Variants in RPAP1 observed in about 807,000 individuals in gnomAD.
RPAP1 encodes RNA polymerase II-associated protein 1.
A neutral mutation model predicts 142.4 loss-of-function variants in RPAP1; 109 were observed. The ratio of observed to expected loss-of-function variants is 0.77; its 90% confidence interval spans 0.66 to 0.90. The LOEUF is 0.90. Ranked by LOEUF, RPAP1 falls within the 40% of genes least tolerant of loss-of-function variation. The pLI is 0.00. For synonymous variants in RPAP1, 704 were observed against 738.9 expected, an observed-to-expected ratio of 0.95 and a Z score of 0.77; for missense variants, 1,546 against 1,751.7, an observed-to-expected ratio of 0.88 and a Z score of 2.10.
At chr15:41,517,978 T>G in intron 23 of RPAP1, 28 bp downstream of exon 23, 2 of 1,613,978 alleles carry the variant, frequency 1.2e-6, no homozygotes, top group Non-Finnish European at 1.7e-6. Flanking sequence ...GCTCCCTTCC[T>G]TCCTCTGAAG....
chr15:41,534,787 C>T lies in RPAP1; in HGVS notation c.690G>A (p.Glu230=). The T allele has an allele frequency of 2.5e-6, 4 of 1,614,016 alleles. No homozygotes were observed. The highest frequency in any genetic ancestry group is 3.4e-6 in the Non-Finnish European group (4 of 1,179,986). ...CCATGGCCTGCAGTCTTGCTATGTT[C>T]TCTTCATGGATAGTCTGGGCTTCCT... ...AEQEAQTIHE[E]NIARLQAMAP... The change falls in exon 6 of 25, where the codon GAG becomes GAA. Residue 230 remains glutamate (E), a synonymous_variant. Transcript: ENST00000304330.
At chr15:41,536,240 T>C in intron 3 of RPAP1, 22 bp from the exon 4 acceptor site, 2 of 1,609,076 alleles carry the variant, frequency 1.2e-6, no homozygotes, top group Non-Finnish European at 8.5e-7. Context: ...AAGCACAAAG[T>C]TGTGAAGCAC....
intron 9 of RPAP1, 33 bp from the exon 10 acceptor site, chr15:41,528,369 G>A (rs371170066): frequency 6.7e-7 from 1 of 1,484,768 alleles, no homozygotes; most frequent in Non-Finnish European, 9.2e-7. Context: ...GAAGCAGCCA[G>A]GATACAGCAC....
chr15:41,521,058 GT>G lies in RPAP1; in HGVS notation c.3127del (p.Thr1043LeufsTer18). The part of the protein sequence containing the change: ...SSRVPRCGQG[T>X]LLAQACQDLP... ...GTCCTGGCAGGCCTGAGCCAGCAGA[GT>G]CCCTTGCCCACACCGAGGGACCCTG... On this transcript the variant is annotated frameshift_variant, in exon 22 of 25. Transcript: ENST00000304330. LOFTEE classifies it high-confidence loss of function. 1 of 1,579,166 alleles carries G rather than the reference GT, an allele frequency of 6.3e-7. No individual in the cohort carries two copies. The highest frequency in any genetic ancestry group is 1.3e-5 in the African/African-American group (1 of 74,386).
chr15:41,517,336 G>A lies in RPAP1; in HGVS notation c.*206C>T. The A allele has an allele frequency of 2.0e-6, 1 of 495,252 alleles. No individual in the cohort carries two copies. Among genetic ancestry groups the A allele is most frequent in the Non-Finnish European group, 3.5e-6 (1 of 283,268 alleles). 30.7% of individuals were successfully genotyped at this position (495,252 alleles called of 1,614,324 possible). ...TAAGCCACTCTTCACTCCCAGTACA[G>A]ACCTTCAGAAGCCCCAGATATCAGG... On this transcript the variant is annotated 3_prime_UTR_variant, in exon 25 of 25. Coordinates refer to ENST00000304330, the MANE Select transcript of RPAP1 (RefSeq NM_015540.4).
At chr15:41,542,697 G>C (rs2051981425) in intron 1 of RPAP1, among the ~76,000 whole-genome samples, 1 of 152,134 alleles carries the variant, frequency 6.6e-6, no homozygotes, top group African/African-American at 2.4e-5. Flanking sequence ...TACTGTGCTT[G>C]TTTCCTCATC....
Position 41,517,628 on chromosome 15 carries a change from G to A in RPAP1, c.4096C>T (p.Leu1366Phe). 3 of 1,612,628 alleles carry A rather than the reference G, an allele frequency of 1.9e-6. No individual in the cohort carries two copies. Among genetic ancestry groups the A allele is most frequent in the Non-Finnish European group, 2.5e-6 (3 of 1,179,182 alleles). The change falls in exon 25 of 25, where the codon CTC becomes TTC. Residue 1366 changes from leucine to phenylalanine, a missense_variant. By Grantham distance (22) the Leu-to-Phe change is conservative. Coordinates refer to ENST00000304330, the MANE Select transcript of RPAP1 (RefSeq NM_015540.4). ...PNSTLPEGFE[L>F]YSQLPPLRQH... is the part of the protein sequence containing the mutation. The stretch of plus-strand genomic sequence containing the variant: ...CGCAGAGGGGGCAACTGAGAATAGA[G>A]CTCAAAGCCCTCTGGGAGCGTGGAA...
chr15:41,541,536 T>C (rs892760077), intron 1 of RPAP1, among the ~76,000 whole-genome samples: 5 of 151,674 alleles, frequency 3.3e-5, no homozygotes, highest in African/African-American at 1.2e-4. Context: ...ACAAGCTAGA[T>C]AGCTGGAACT....
intron 6 of RPAP1, among the ~76,000 whole-genome samples, chr15:41,533,909 G>A (rs2051880581): frequency 6.6e-6 from 1 of 151,782 alleles, no homozygotes; most frequent in African/African-American, 2.4e-5. Context: ...ATCACCTGAG[G>A]TCAGGAGTTC....
chr15:41,520,738 C>T lies in RPAP1; in HGVS notation c.3448G>A (p.Val1150Met). The change falls in exon 22 of 25, where the codon GTG (valine) becomes ATG (methionine). Residue 1150 changes from valine (V) to methionine (M), a missense_variant. Physicochemically the swap from Val to Met is conservative, Grantham distance 21. This residue lies in a region of RPAP1 where 1,333 missense variants were observed against 1,486.6 expected (regional missense o/e 0.90). Coordinates refer to ENST00000304330, the MANE Select transcript of RPAP1 (RefSeq NM_015540.4). ...CGTGCCAGGCGGGCAGCAGGGGGCACAGCCCAGAGAGCCTGGGGGCGCCAG... is the reference window on the plus strand; with the variant it reads ...CGTGCCAGGCGGGCAGCAGGGGGCATAGCCCAGAGAGCCTGGGGGCGCCAG... ...ESWRPQALWA[V>M]PPAARLARLM... 1 of 1,613,916 alleles carries T rather than the reference C, an allele frequency of 6.2e-7. No homozygotes were observed. Among genetic ancestry groups the T allele is most frequent in the Non-Finnish European group, 8.5e-7 (1 of 1,180,004 alleles).
rs543357436 is a variant in RPAP1 at position 41,523,049 on chromosome 15, G to A, written c.2547-89C>T. 1.4e-5 allele frequency: 16 copies of A among 1,161,786 alleles called. No individual in the cohort carries two copies. The East Asian group carries it at 1.4e-4, about 10-fold the overall frequency. The allele number at this position is 1,161,786 out of a possible 1,614,324, so 72.0% of individuals were successfully genotyped here. A position where few individuals can be genotyped will look rare whatever the true frequency, so the allele number is the denominator to read the frequency against. ...TTCTGGGTCTGTACCTAAGACTAACGGGGGGCCTGGCTGTGGAGGTCAGTG... is the reference window on the plus strand; with the variant it reads ...TTCTGGGTCTGTACCTAAGACTAACAGGGGGCCTGGCTGTGGAGGTCAGTG... On this transcript the variant is annotated intron_variant, in intron 18 of 24. Coordinates refer to ENST00000304330, the MANE Select transcript of RPAP1 (RefSeq NM_015540.4).
chr15:41,523,755 G>A lies in RPAP1; in HGVS notation c.2436+16C>T, dbSNP rs753896301. On this transcript the variant is annotated intron_variant, in intron 17 of 24. Transcript: ENST00000304330. ...GGGTGCGGGGGCCTGGTGGACAGCC[G>A]GCAGGAGGCACTCACTTGCTGGCTC... 2.8e-5 allele frequency: 44 copies of A among 1,578,030 alleles called. No homozygotes were observed. Among genetic ancestry groups the A allele is most frequent in the Admixed American group, 1.8e-4 (10 of 54,992 alleles).
In RPAP1 at chr15:41,521,240, TC is replaced by T. The variant is rs2051723626; in HGVS notation, c.3039-94del. ...TTGGAACTTCCTGGAGGCTCCTAGG[TC>T]CAGACCTGTGCCTCTCTGCTCCCTT... is the stretch of plus-strand genomic sequence containing the variant. On this transcript the variant is annotated intron_variant, in intron 21 of 24. Transcript: ENST00000304330. 3.1e-6 allele frequency: 4 copies of T among 1,273,040 alleles called. No homozygotes were observed. The South Asian group carries it at 4.7e-5, about 15-fold the overall frequency. The allele number at this position is 1,273,040 out of a possible 1,614,324, so 78.9% of individuals were successfully genotyped here. A position where few individuals can be genotyped will look rare whatever the true frequency, so the allele number is the denominator to read the frequency against.
At chr15:41,525,937 A>G (rs2051786405) in intron 14 of RPAP1, among the ~76,000 whole-genome samples, 2 of 150,506 alleles carry the variant, frequency 1.3e-5, no homozygotes, top group Non-Finnish European at 2.9e-5. Context: ...TACAGGTGTG[A>G]GCCACCGCGC....
chr15:41,528,070 A>G (rs772184930), intron 10 of RPAP1, 43 bp from the exon 11 acceptor site: 6 of 1,605,152 alleles, frequency 3.7e-6, no homozygotes, highest in Middle Eastern at 3.3e-4. Context: ...TGCTGAAGTT[A>G]TCTAGAGGCT....
Position 41,520,768 on chromosome 15 carries a change from C to G in RPAP1, c.3418G>C (p.Glu1140Gln), listed in dbSNP as rs2051717255. Residue 1140 changes from glutamate (E) to glutamine (Q), a missense_variant, in exon 22 of 25, where the codon GAG (glutamate) becomes CAG (glutamine). Coordinates refer to ENST00000304330, the MANE Select transcript of RPAP1 (RefSeq NM_015540.4). Reference sequence around the variant, plus strand: ...CAGAGAGCCTGGGGGCGCCAGCTCTCCAAAACTAGCACCCACTGCAGGACC... The same window carrying G: ...CAGAGAGCCTGGGGGCGCCAGCTCTGCAAAACTAGCACCCACTGCAGGACC... ...MRVLQWVLVL[E>Q]SWRPQALWAV... 2 of 1,613,644 alleles carry G rather than the reference C, an allele frequency of 1.2e-6. No homozygotes were observed. The highest frequency in any genetic ancestry group is 1.7e-6 in the Non-Finnish European group (2 of 1,179,986).
chr15:41,517,753 C>T, intron 24 of RPAP1, 45 bp downstream of exon 24: 6 of 1,614,066 alleles, frequency 3.7e-6, no homozygotes, highest in Non-Finnish European at 5.1e-6. Flanking sequence ...TCTCTGTCCC[C>T]CAAGATCCTC....
At chr15:41,530,368 G>C (rs928144965) in intron 7 of RPAP1, among the ~76,000 whole-genome samples, 6 of 152,134 alleles carry the variant, frequency 3.9e-5, no homozygotes, top group African/African-American at 1.4e-4. Context: ...GGGACAATGA[G>C]GAGGAGGCAA....
At chr15:41,538,863 C>T (rs1192250757) in intron 1 of RPAP1, among the ~76,000 whole-genome samples, 5 of 151,192 alleles carry the variant, frequency 3.3e-5, no homozygotes, top group Non-Finnish European at 7.4e-5. Context: ...AGCTATATGA[C>T]TCAGAAACAT....
Sources: allele counts gnomAD v4.1 joint callset (sites outside exome capture counted in the v4.1 genomes callset), GRCh38; gene constraint gnomAD v4.1.1; regional missense constraint gnomAD v4.1.1; transcripts MANE v1.5; gene names NCBI Gene and HGNC (gene_info 2026-07-23, HGNC 2026-07-21).